The following CNTNAP2 variants were observed in gnomAD, a reference collection of about 807,000 sequenced individuals.
CNTNAP2 encodes contactin-associated protein-like 2.
In CNTNAP2, 98 loss-of-function variants were observed where a neutral mutation model predicts 155.2. That is an observed-to-expected ratio of 0.63 (90% CI 0.54 to 0.75). The LOEUF (loss-of-function observed/expected upper bound fraction) is 0.75, where lower values mean the gene tolerates loss of function less well. Ranked by LOEUF, CNTNAP2 falls within the 30% of genes least tolerant of loss-of-function variation. The pLI is 0.00. For missense variants in CNTNAP2, 1,727 were observed against 1,688.1 expected, an observed-to-expected ratio of 1.02 and a Z score of -0.40; for synonymous variants, 651 against 631.2, an observed-to-expected ratio of 1.03 and a Z score of -0.47.
chr7:147,243,197 C>T (rs1803981777), intron 8 of CNTNAP2, among the ~76,000 whole-genome samples: 3 of 151,620 alleles, frequency 2.0e-5, no homozygotes, highest in African/African-American at 4.9e-5. Flanking sequence ...GGGGTTTCAC[C>T]ATGTTGGCCA....
rs181444774 is a variant in CNTNAP2, at chr7:146,240,875, C to T, written c.97+123902C>T. Reference sequence around the variant, plus strand: ...TTATAAAGAAAATAGGTTTAATTGGCTCATGGCTCTGCACGCTGTACAAGT... The same window carrying T: ...TTATAAAGAAAATAGGTTTAATTGGTTCATGGCTCTGCACGCTGTACAAGT... On this transcript the variant is annotated intron_variant, in intron 1 of 23. Transcript: ENST00000361727. Among the ~76,000 whole-genome samples the T allele has an allele frequency of 3.3e-5, 5 of 152,278 alleles. No individual in the cohort carries two copies. In the East Asian group the frequency reaches 9.6e-4, roughly 29 times the overall value.
chr7:147,859,085 G>A (rs1341786702), intron 13 of CNTNAP2, among the ~76,000 whole-genome samples: 2 of 152,080 alleles, frequency 1.3e-5, no homozygotes, highest in Non-Finnish European at 2.9e-5. Flanking sequence ...TCAAGAACTA[G>A]TCCTGGGTTT....
intron 1 of CNTNAP2, among the ~76,000 whole-genome samples, chr7:146,373,779 C>T (rs114872033): frequency 0.01 from 1,574 of 152,176 alleles, 41 homozygotes; most frequent in African/African-American, 0.036. Context: ...GGGGTACATA[C>T]GGAAGATCCA....
chr7:147,961,393 A>C (rs145730936), intron 14 of CNTNAP2, among the ~76,000 whole-genome samples: 3 of 152,298 alleles, frequency 2.0e-5, no homozygotes, highest in African/African-American at 7.2e-5. Flanking sequence ...TTATTTAACA[A>C]ATATGCAGAG....
chr7:146,562,102 G>T (rs1467249446), intron 1 of CNTNAP2, among the ~76,000 whole-genome samples: 2 of 152,010 alleles, frequency 1.3e-5, no homozygotes, highest in Non-Finnish European at 2.9e-5. Flanking sequence ...AAACATTTTT[G>T]AATCTCCTTA....
chr7:146,441,268 A>C (rs1196663608), intron 1 of CNTNAP2, among the ~76,000 whole-genome samples: 1 of 151,530 alleles, frequency 6.6e-6, no homozygotes, highest in Non-Finnish European at 1.5e-5. Flanking sequence ...TATCTTTCTT[A>C]AGCCCTATTC....
chr7:148,112,415 GTAT>G (rs34816770), intron 15 of CNTNAP2, among the ~76,000 whole-genome samples: 25,048 of 148,508 alleles, frequency 0.17, 2,152 homozygotes, highest in Admixed American at 0.23. Context: ...CTAAATTTTA[GTAT>G]TATTATTATT....
At chr7:146,126,202 TCTAA>T (rs1220690236) in intron 1 of CNTNAP2, among the ~76,000 whole-genome samples, 21 of 152,184 alleles carry the variant, frequency 1.4e-4, no homozygotes, top group African/African-American at 4.6e-4. Flanking sequence ...GTTCAAGTTC[TCTAA>T]CTAAGAAGTT....
chr7:148,391,164 G>A (rs112281726), intron 22 of CNTNAP2, among the ~76,000 whole-genome samples: 96 of 152,264 alleles, frequency 6.3e-4, no homozygotes, highest in African/African-American at 2.2e-3. Context: ...GTGCCTCACA[G>A]GCAATAGAAT....
At chr7:146,501,651 G>A (rs553948486) in intron 1 of CNTNAP2, among the ~76,000 whole-genome samples, 17 of 152,066 alleles carry the variant, frequency 1.1e-4, no homozygotes, top group Admixed American at 5.2e-4. Context: ...TAGTGTGTTG[G>A]ATAGTGGCCT....
chr7:146,523,303 G>C (rs1051304297), intron 1 of CNTNAP2, among the ~76,000 whole-genome samples: 1 of 151,802 alleles, frequency 6.6e-6, no homozygotes, highest in Non-Finnish European at 1.5e-5. Context: ...TAAAAATTTT[G>C]GTACTAGAGA....
At chr7:146,992,679 A>G (rs1467618812) in intron 3 of CNTNAP2, among the ~76,000 whole-genome samples, 2 of 152,100 alleles carry the variant, frequency 1.3e-5, no homozygotes, top group African/African-American at 4.8e-5. Context: ...GGCTGTCTCA[A>G]TATGAAGAAA....
At chr7:146,538,985 A>C (rs1264545748) in intron 1 of CNTNAP2, among the ~76,000 whole-genome samples, 2 of 152,116 alleles carry the variant, frequency 1.3e-5, no homozygotes, top group African/African-American at 4.8e-5. Flanking sequence ...AACAGGGGGT[A>C]ATGAAAATAC....
At chr7:147,899,171 C>T (rs567219768) in intron 13 of CNTNAP2, among the ~76,000 whole-genome samples, 1 of 152,200 alleles carries the variant, frequency 6.6e-6, no homozygotes, top group Non-Finnish European at 1.5e-5. Flanking sequence ...AAAACCCTTT[C>T]TCTGCAAAAA....
At chr7:147,485,857 C>T (rs543762322) in intron 10 of CNTNAP2, 78 bp from the exon 11 acceptor site, 128 of 1,373,824 alleles carry the variant, frequency 9.3e-5, no homozygotes, top group Non-Finnish European at 1.1e-4. Flanking sequence ...GATATATTGC[C>T]CAGACAGCTT....
At chr7:146,421,730 G>A (rs1796014527) in intron 1 of CNTNAP2, among the ~76,000 whole-genome samples, 1 of 151,804 alleles carries the variant, frequency 6.6e-6, no homozygotes, top group Non-Finnish European at 1.5e-5. Context: ...AACCATAGAA[G>A]ATATCATAGA....
At chr7:146,553,064 C>G (rs889711016) in intron 1 of CNTNAP2, among the ~76,000 whole-genome samples, 1 of 152,040 alleles carries the variant, frequency 6.6e-6, no homozygotes, top group Non-Finnish European at 1.5e-5. Context: ...TACTTTCTCT[C>G]TACTGGAGAG....
At chr7:146,945,966 C>A (rs573935278) in intron 3 of CNTNAP2, among the ~76,000 whole-genome samples, 1 of 152,222 alleles carries the variant, frequency 6.6e-6, no homozygotes, top group South Asian at 2.1e-4. Flanking sequence ...CCATGGCCCA[C>A]CTTCTCCAAT....
chr7:147,329,924 G>T (rs1158604091), intron 9 of CNTNAP2, among the ~76,000 whole-genome samples: 2 of 152,110 alleles, frequency 1.3e-5, no homozygotes, highest in African/African-American at 2.4e-5. Flanking sequence ...TTTTTAATCA[G>T]TGATTCTTCT....
Sources: gnomAD v4.1 joint callset for allele counts (sites outside exome capture counted in the v4.1 genomes callset) on GRCh38, gnomAD v4.1.1 for gene constraint, MANE v1.5 for transcripts, NCBI Gene and HGNC (gene_info 2026-07-23, HGNC 2026-07-21) for gene names.